Variants in PPP2R1B observed in about 807,000 individuals in gnomAD.
PPP2R1B encodes the protein serine/threonine-protein phosphatase 2A 65 kDa regulatory subunit A beta isoform.
In PPP2R1B, 58 loss-of-function variants were observed where a neutral mutation model predicts 72.7. The observed-to-expected ratio is 0.80, with a 90% CI of 0.65 to 0.99. The LOEUF (loss-of-function observed/expected upper bound fraction) is 0.99, where lower values mean the gene tolerates loss of function less well. Ranked by LOEUF, PPP2R1B falls within the 50% of genes least tolerant of loss-of-function variation. The probability of loss-of-function intolerance (pLI) is 0.00; values close to 1 mark genes in which losing one functional copy is unlikely to be tolerated. For missense variants in PPP2R1B, 695 were observed against 733.6 expected (o/e 0.95, Z 0.61); for synonymous variants, 256 against 264.6 (o/e 0.97, Z 0.32).
the PPP2R1B span, among the ~76,000 whole-genome samples, chr11:111,694,266 A>G: frequency 6.6e-6 from 1 of 152,236 alleles, no homozygotes; most frequent in East Asian, 1.9e-4. Context: ...AGCCTTATTA[A>G]TACAAACCTT....
the PPP2R1B span, among the ~76,000 whole-genome samples, chr11:111,713,025 C>T: frequency 1.3e-5 from 2 of 152,004 alleles, no homozygotes; most frequent in Admixed American, 6.6e-5. Flanking sequence ...ATTAGCCAGG[C>T]GTGGTGGTAC....
chr11:111,723,646 A>C (rs1478277582), downstream of PPP2R1B: 1 of 1,613,772 alleles, frequency 6.2e-7, no homozygotes, highest in Non-Finnish European at 8.5e-7. Flanking sequence ...AGCAGGCCCC[A>C]CCGTTCAGCC....
At chr11:111,704,726 G>C in the PPP2R1B span, among the ~76,000 whole-genome samples, 1 of 152,244 alleles carries the variant, frequency 6.6e-6, no homozygotes, top group East Asian at 1.9e-4. Flanking sequence ...TCTCTGACTG[G>C]AGAAAAATAA....
chr11:111,701,127 A>G, the PPP2R1B span: 1 of 1,332,538 alleles, frequency 7.5e-7, no homozygotes, highest in African/African-American at 1.5e-5. This position sits in a 1 kb window ranked among gnomAD's most constrained non-coding sequence, Gnocchi z 4.2. Context: ...TATTTTCCCC[A>G]TCCACTGGAC....
At chr11:111,762,448 C>G (rs1945361183) in intron 3 of PPP2R1B, among the ~76,000 whole-genome samples, 1 of 152,064 alleles carries the variant, frequency 6.6e-6, no homozygotes, top group African/African-American at 2.4e-5. Context: ...AGGATGAGGC[C>G]ATGCTCCTGA....
At chr11:111,722,027 T>C, downstream of PPP2R1B, 1 of 1,010,236 alleles carries the variant, frequency 9.9e-7, no homozygotes, top group South Asian at 1.9e-5. The surrounding 1 kb of genome is among the most constrained non-coding windows in gnomAD (Gnocchi z 4.4). Context: ...TGCCTGGCAT[T>C]TATTTAGGGT....
At chr11:111,725,353 G>A (rs924954029), downstream of PPP2R1B, 1 of 150,660 alleles carries the variant, frequency 6.6e-6, no homozygotes, top group Non-Finnish European at 1.5e-5. Flanking sequence ...AATATTCAAA[G>A]AAAGAACCAC....
At chr11:111,721,688 T>C in the PPP2R1B span, 4 of 577,280 alleles carry the variant, frequency 6.9e-6, no homozygotes, top group African/African-American at 5.6e-5. Flanking sequence ...CTCAGCCTAC[T>C]GGCTCTGTAA....
At chr11:111,724,285 A>G (rs1591652435), downstream of PPP2R1B, 1 of 1,100,270 alleles carries the variant, frequency 9.1e-7, no homozygotes, top group Non-Finnish European at 1.3e-6. Context: ...GCTGGGGTGG[A>G]TGTTGCTTCC....
At chr11:111,699,946 G>A in the PPP2R1B span, among the ~76,000 whole-genome samples, 1 of 152,194 alleles carries the variant, frequency 6.6e-6, no homozygotes, top group Admixed American at 6.5e-5. Context: ...GCTCCAGCTG[G>A]GTGGAGAGCC....
intron 3 of PPP2R1B, among the ~76,000 whole-genome samples, chr11:111,764,018 T>G (rs1372715569): frequency 6.6e-6 from 1 of 151,712 alleles, no homozygotes; most frequent in Non-Finnish European, 1.5e-5. Flanking sequence ...GTCCAACTGT[T>G]GAATTCCTGG....
rs1057448847 is a variant in PPP2R1B, at chr11:111,753,515, C to T, written c.1092G>A (p.Leu364=). The T allele has an allele frequency of 6.2e-6, 10 of 1,612,968 alleles. No individual in the cohort carries two copies. The highest frequency in any genetic ancestry group is 1.1e-5 in the South Asian group (1 of 90,980). ...KSALASVIMG[L]STILGKENTI... ...TATTTTCTTTGCCCAAAATAGTAGA[C>T]AATCCCATAATTACAGAAGCTAGAG... Residue 364 remains leucine, a synonymous_variant, in exon 9 of 15, where the codon TTG becomes TTA. Transcript: ENST00000527614.
chr11:111,741,624 C>G lies in PPP2R1B; in HGVS notation c.1790-12G>C. The G allele has an allele frequency of 6.2e-7, 1 of 1,613,036 alleles. No homozygotes were observed. Among genetic ancestry groups the G allele is most frequent in the Non-Finnish European group, 8.5e-7 (1 of 1,179,730 alleles). On this transcript the variant is annotated splice_polypyrimidine_tract_variant and intron_variant, in intron 14 of 14. Coordinates refer to ENST00000527614, the MANE Select transcript of PPP2R1B (RefSeq NM_002716.5). ...TGCCAATGCAAGAACTGGAAAATTC[C>G]AAACAAAATCAGGTTAGTGGTACAG... is the stretch of plus-strand genomic sequence containing the variant.
the PPP2R1B span, among the ~76,000 whole-genome samples, chr11:111,691,488 G>A: frequency 6.6e-6 from 1 of 152,064 alleles, no homozygotes; most frequent in Non-Finnish European, 1.5e-5. Context: ...TAGCAGACCT[G>A]GAATTCAAAC....
downstream of PPP2R1B, chr11:111,723,594 A>G (rs747061489): frequency 6.2e-6 from 10 of 1,614,186 alleles, no homozygotes; most frequent in Non-Finnish European, 8.5e-6. Flanking sequence ...CAGCCAAGTC[A>G]GCAGCTGCCC....
chr11:111,693,140 TG>T, the PPP2R1B span, among the ~76,000 whole-genome samples: 4 of 152,232 alleles, frequency 2.6e-5, no homozygotes, highest in East Asian at 7.7e-4. Context: ...GAGACCATCC[TG>T]GCCAACATGG....
downstream of PPP2R1B, chr11:111,726,900 G>A (rs534100716): frequency 5.3e-5 from 81 of 1,521,782 alleles, no homozygotes; most frequent in South Asian, 7.1e-4. Flanking sequence ...TAAAAATTTC[G>A]TTCGGCAAAA....
chr11:111,759,463 T>C (rs2136103599), intron 5 of PPP2R1B, among the ~76,000 whole-genome samples: 1 of 152,322 alleles, frequency 6.6e-6, no homozygotes, highest in East Asian at 1.9e-4. Flanking sequence ...AAGTCAAAAA[T>C]TCCAGGAAAC....
chr11:111,691,713 T>C, the PPP2R1B span, among the ~76,000 whole-genome samples: 1 of 152,208 alleles, frequency 6.6e-6, no homozygotes, highest in Non-Finnish European at 1.5e-5. Flanking sequence ...ACTCAAATTT[T>C]CTTGCCCACA....
Sources: allele counts gnomAD v4.1 joint callset (sites outside exome capture counted in the v4.1 genomes callset), GRCh38; gene constraint gnomAD v4.1.1; non-coding constraint Gnocchi (gnomAD v3.1); transcripts MANE v1.5; gene names NCBI Gene and HGNC (gene_info 2026-07-23, HGNC 2026-07-21).